Variants in HELZ observed in about 807,000 individuals in gnomAD.
The protein encoded by HELZ is helicase with zinc finger, also known as ATP-dependent RNA helicase with zinc finger domain.
HELZ carries 23 observed loss-of-function variants against 218.2 expected under a neutral mutation model. The ratio of observed to expected loss-of-function variants is 0.11; its 90% CI spans 0.08 to 0.15. The LOEUF (loss-of-function observed/expected upper bound fraction) is 0.15, where lower values mean the gene tolerates loss of function less well. Ranked by LOEUF, HELZ falls within the 10% of genes least tolerant of loss-of-function variation. HELZ has a pLI of 1.00. For synonymous variants in HELZ, 814 were observed against 829.4 expected, an observed-to-expected ratio of 0.98 and a Z score of 0.32; for missense variants, 1,813 against 2,353.7, an observed-to-expected ratio of 0.77 and a Z score of 4.75.
At chr17:67,181,305 A>T (rs2039605942) in intron 12 of HELZ, among the ~76,000 whole-genome samples, 1 of 152,230 alleles carries the variant, frequency 6.6e-6, no homozygotes, top group African/African-American at 2.4e-5. Flanking sequence ...ACCTAAAATG[A>T]CAGAGCTTTC....
intron 8 of HELZ, 93 bp from the exon 9 acceptor site, chr17:67,194,135 A>G (rs1225007848): frequency 1.2e-6 from 1 of 829,142 alleles, no homozygotes; most frequent in Non-Finnish European, 2.0e-6. Flanking sequence ...CCCTCCACAT[A>G]CATCATCCCA....
intron 24 of HELZ, among the ~76,000 whole-genome samples, chr17:67,125,668 C>T (rs1400329147): frequency 2.0e-5 from 3 of 151,976 alleles, no homozygotes; most frequent in Non-Finnish European, 2.9e-5. Context: ...GCAGAATAGC[C>T]CCTGCAAAGA....
chr17:67,116,484 T>TACACACACACACACACACACAC (rs144779116), intron 27 of HELZ, among the ~76,000 whole-genome samples: 1 of 147,720 alleles, frequency 6.8e-6, no homozygotes, highest in Non-Finnish European at 1.5e-5. Flanking sequence ...AAGGTAAAAA[T>TACACACACACACACACACACAC]ACACACACAC....
At chr17:67,176,457 T>C (rs2039459720) in intron 13 of HELZ, 1 of 152,236 alleles carries the variant, frequency 6.6e-6, no homozygotes, top group Non-Finnish European at 1.5e-5. Context: ...TTATTGCTTA[T>C]GATCCCCCAT....
At chr17:67,243,961 G>A in intron 1 of HELZ, 122 bp from the exon 2 acceptor site, 2 of 984,848 alleles carry the variant, frequency 2.0e-6, no homozygotes, top group Non-Finnish European at 2.4e-6. Flanking sequence ...TTACAAAAAT[G>A]GTACAGTGTG....
chr17:67,159,819 T>G (rs764205461), intron 17 of HELZ, among the ~76,000 whole-genome samples: 1 of 152,206 alleles, frequency 6.6e-6, no homozygotes, highest in Non-Finnish European at 1.5e-5. Context: ...ATTTCATGTT[T>G]ATCTAATGTG....
chr17:67,244,488 A>C, intron 1 of HELZ: 1 of 483,408 alleles, frequency 2.1e-6, no homozygotes, highest in Non-Finnish European at 2.7e-6. Flanking sequence ...TGAAAAGGGT[A>C]CTGGAGTACT....
chr17:67,207,194 G>T (rs1235873333), intron 5 of HELZ, among the ~76,000 whole-genome samples: 2 of 140,296 alleles, frequency 1.4e-5, no homozygotes, highest in South Asian at 2.4e-4. Context: ...TTACAGGCAT[G>T]AGCCACCACG....
intron 7 of HELZ, among the ~76,000 whole-genome samples, chr17:67,200,369 C>T (rs1339433523): frequency 6.6e-6 from 1 of 152,138 alleles, no homozygotes; most frequent in Non-Finnish European, 1.5e-5. Context: ...TCCTCATACA[C>T]ATTATTTCCA....
At position 67,193,892 on chromosome 17, in the gene HELZ, T is replaced by A. The variant is rs2039961054; in HGVS notation, c.557+75A>T. ...TCAAATTGAAAATAAACCATTTTAC[T>A]CCATTAGATAAGGAAAATTATCTGT... is the stretch of plus-strand genomic sequence containing the variant. On this transcript the variant is annotated intron_variant, in intron 9 of 32. Coordinates refer to ENST00000358691, the MANE Select transcript of HELZ (RefSeq NM_014877.4). 5 of 1,054,272 alleles carry A rather than the reference T, an allele frequency of 4.7e-6. No homozygotes were observed. In the South Asian group the frequency reaches 6.7e-5, roughly 14 times the overall value. The allele number at this position is 1,054,272 out of a possible 1,614,324, so 65.3% of individuals were successfully genotyped here. A position where few individuals can be genotyped will look rare whatever the true frequency, so the allele number is the denominator to read the frequency against.
intron 20 of HELZ, among the ~76,000 whole-genome samples, chr17:67,147,295 CATAGAT>C (rs1335886799): frequency 6.6e-6 from 1 of 152,000 alleles, no homozygotes; most frequent in Non-Finnish European, 1.5e-5. Flanking sequence ...TAGATATAGA[CATAGAT>C]ATATAGATAG....
intron 26 of HELZ, among the ~76,000 whole-genome samples, 182 bp downstream of exon 26, chr17:67,122,785 TAAC>T (rs1267046165): frequency 6.6e-6 from 1 of 152,182 alleles, no homozygotes. Flanking sequence ...AGTAACCTAA[TAAC>T]AAATTGTAAG....
At chr17:67,161,693 C>T (rs1222579873) in intron 15 of HELZ, among the ~76,000 whole-genome samples, 2 of 152,170 alleles carry the variant, frequency 1.3e-5, no homozygotes, top group Non-Finnish European at 2.9e-5. Context: ...TTTTTGCACA[C>T]ACACACAAAT....
chr17:67,186,270 C>T (rs765927053), intron 12 of HELZ, among the ~76,000 whole-genome samples: 2 of 152,002 alleles, frequency 1.3e-5, no homozygotes, highest in Non-Finnish European at 2.9e-5. Context: ...ATTAACTAAA[C>T]GTCTACTATG....
intron 1 of HELZ, chr17:67,244,161 G>C (rs1158494052): frequency 8.3e-6 from 2 of 240,004 alleles, no homozygotes; most frequent in Non-Finnish European, 1.3e-5. Context: ...GTTTAAGAGA[G>C]AGCAAAATTA....
In HELZ at chr17:67,107,406, G is replaced by A. The variant is rs373085774; in HGVS notation, c.5004C>T (p.His1668=). The part of the protein sequence containing the change: ...FNSPFSLPSE[H]LAPPPLKYLA... The stretch of plus-strand genomic sequence containing the variant: ...GGTATTTCAAGGGAGGAGGGGCAAG[G>A]TGTTCAGATGGCAACGAGAAAGGTG... The change falls in exon 31 of 33, where the codon CAC becomes CAT. Residue 1668 remains histidine (H), a synonymous_variant. Transcript: ENST00000358691. The A allele has an allele frequency of 8.9e-5, 143 of 1,614,196 alleles. 2 individuals are homozygous for A. In the South Asian group the frequency reaches 1.4e-3, roughly 16 times the overall value.
At chr17:67,211,391 C>CTAA (rs2040446861) in intron 5 of HELZ, among the ~76,000 whole-genome samples, 1 of 152,158 alleles carries the variant, frequency 6.6e-6, no homozygotes, top group Admixed American at 6.5e-5. Flanking sequence ...TTTAGAGAGG[C>CTAA]ATACTGAAGT....
At chr17:67,166,645 A>G (rs749516805) in intron 14 of HELZ, 37 bp from the exon 15 acceptor site, 2 of 1,604,812 alleles carry the variant, frequency 1.2e-6, no homozygotes, top group Admixed American at 3.3e-5. Context: ...AACTGCATGA[A>G]AGCAAACATC....
chr17:67,244,716 A>AG (rs1165133610), intron 1 of HELZ: 30 of 983,714 alleles, frequency 3.0e-5, no homozygotes, highest in African/African-American at 3.5e-5. Context: ...CCGAGGCCTG[A>AG]GGGGGGGCAT....
Sources: allele counts gnomAD v4.1 joint callset (sites outside exome capture counted in the v4.1 genomes callset), GRCh38; gene constraint gnomAD v4.1.1; transcripts MANE v1.5; gene names NCBI Gene and HGNC (gene_info 2026-07-23, HGNC 2026-07-21).